MFN2: variants seen among roughly 807,000 people sequenced by gnomAD.
MFN2 encodes mitofusin 2, also known as mitofusin-2.
A neutral mutation model predicts 87.5 loss-of-function variants in MFN2; 43 were observed. The observed-to-expected ratio is 0.49, with a 90% CI of 0.38 to 0.63. MFN2 has a LOEUF of 0.63. Among genes scored for constraint, MFN2 ranks in the 30% least tolerant of loss-of-function variants. MFN2 has a pLI of 0.00. For synonymous variants in MFN2, 337 were observed against 359.9 expected (o/e 0.94, Z 0.72); for missense variants, 743 against 972.8 (o/e 0.76, Z 3.14).
In MFN2 at chr1:12,004,011, C is replaced by T. The variant is rs186448929; in HGVS notation, c.1180C>T (p.Arg394Cys). 22 of 1,614,176 alleles carry T rather than the reference C, an allele frequency of 1.4e-5. 1 individual carries two copies. The highest frequency in any genetic ancestry group is 1.3e-4 in the Admixed American group (8 of 60,022). ...TTTCAGGGTTTACTGCGAGGAAATG[C>T]GTGAAGAGCGGCAAGACCGACTGAA... Reference protein sequence around the residue: ...REQQVYCEEMREERQDRLKFI... With the variant: ...REQQVYCEEMCEERQDRLKFI... The change falls in exon 12 of 19, where the codon CGT becomes TGT. Residue 394 changes from arginine (R) to cysteine (C), a missense_variant. By Grantham distance (180) the Arg-to-Cys change is radical. Transcript: ENST00000235329. This position sits in a 1 kb window ranked among gnomAD's most constrained non-coding sequence, Gnocchi z 4.2.
chr1:11,982,945 AAC>A (rs944049539), intron 2 of MFN2, among the ~76,000 whole-genome samples: 3 of 152,234 alleles, frequency 2.0e-5, no homozygotes, highest in African/African-American at 7.2e-5. Flanking sequence ...TGCTGAATTC[AAC>A]ACAGTTAAAC....
At chr1:11,999,237 T>C in intron 8 of MFN2, 142 bp downstream of exon 8, 1 of 745,614 alleles carries the variant, frequency 1.3e-6, no homozygotes, top group Non-Finnish European at 2.3e-6. Context: ...TACTCTTCTG[T>C]GGTATCTTCT....
intron 3 of MFN2, among the ~76,000 whole-genome samples, chr1:11,990,135 T>A (rs1638613969): frequency 6.6e-6 from 1 of 152,096 alleles, no homozygotes; most frequent in Non-Finnish European, 1.5e-5. Context: ...GCTTCGGGGG[T>A]TGGCCCCTGG....
At chr1:11,985,455 CTTT>C (rs774330626) in intron 2 of MFN2, among the ~76,000 whole-genome samples, 2 of 119,718 alleles carry the variant, frequency 1.7e-5, no homozygotes, top group Non-Finnish European at 1.7e-5. Context: ...TCCTTGATCC[CTTT>C]TTTTTTTTTT....
chr1:11,983,363 G>A (rs935126240), intron 2 of MFN2, among the ~76,000 whole-genome samples: 1 of 152,178 alleles, frequency 6.6e-6, no homozygotes, highest in African/African-American at 2.4e-5. Flanking sequence ...GAGCCACCGC[G>A]CCTGGCCTAG....
At chr1:11,980,630 G>C in intron 1 of MFN2, 146 bp downstream of exon 1, 1 of 395,848 alleles carries the variant, frequency 2.5e-6, no homozygotes, top group East Asian at 3.6e-5. Context: ...CGGCCTCGCC[G>C]CCGGGCCCTC....
At chr1:12,008,355 GGGGCGGCGGCC>G (rs1639517591) in intron 17 of MFN2, among the ~76,000 whole-genome samples, 1 of 151,682 alleles carries the variant, frequency 6.6e-6, no homozygotes, top group South Asian at 2.1e-4. Flanking sequence ...CCTCCCGGAT[GGGGCGGCGGCC>G]GGGCGGAGGC....
At chr1:11,987,026 A>G (rs1638441284) in intron 2 of MFN2, among the ~76,000 whole-genome samples, 1 of 151,670 alleles carries the variant, frequency 6.6e-6, no homozygotes, top group African/African-American at 2.4e-5. Flanking sequence ...CTGTGATAAT[A>G]TGGCTGGGTA....
At position 12,005,733 on chromosome 1, in the gene MFN2, T is replaced by C; in HGVS notation, c.1518T>C (p.Pro506=). ...CAGATGGCTTGAAACCCCTCCTTCCTGTGTCTGTGCGGAGTCAGATAGACA... is the reference window on the plus strand; with the variant it reads ...CAGATGGCTTGAAACCCCTCCTTCCCGTGTCTGTGCGGAGTCAGATAGACA... ...DMIDGLKPLL[P]VSVRSQIDML... The change falls in exon 15 of 19, where the codon CCT becomes CCC. Residue 506 remains proline (P), a synonymous_variant. Coordinates refer to ENST00000235329, the MANE Select transcript of MFN2 (RefSeq NM_014874.4). The C allele has an allele frequency of 6.2e-7, 1 of 1,614,226 alleles. No individual in the cohort carries two copies. The highest frequency in any genetic ancestry group is 8.5e-7 in the Non-Finnish European group (1 of 1,180,030).
intron 15 of MFN2, 95 bp from the exon 16 acceptor site, chr1:12,006,441 CTG>C (rs1487395838): frequency 1.3e-6 from 2 of 1,516,434 alleles, no homozygotes; most frequent in African/African-American, 1.4e-5. Flanking sequence ...AAGAGCCACT[CTG>C]TGTCCCTGTT....
At chr1:12,011,433 C>A in intron 18 of MFN2, 63 bp from the exon 19 acceptor site, 1 of 1,538,620 alleles carries the variant, frequency 6.5e-7, no homozygotes, top group South Asian at 1.1e-5. Context: ...TGGTGCCTGG[C>A]GGGTAGTCCT....
rs1026838023 is a variant in MFN2, at chr1:11,982,022, C to G, written c.-97C>G. On this transcript the variant is annotated 5_prime_UTR_variant, in exon 2 of 19. Coordinates refer to ENST00000235329, the MANE Select transcript of MFN2 (RefSeq NM_014874.4). ...ATCAATAGCCAACCTCAACCTGAGACAGGACAGAAGAGAACTCAGAATCTT... is the reference window on the plus strand; with the variant it reads ...ATCAATAGCCAACCTCAACCTGAGAGAGGACAGAAGAGAACTCAGAATCTT... 5.3e-5 allele frequency: 8 copies of G among 150,534 alleles called. No homozygotes were observed. Among genetic ancestry groups the G allele is most frequent in the Non-Finnish European group, 1.0e-4 (7 of 67,886 alleles). 9.3% of individuals were successfully genotyped at this position (150,534 alleles called of 1,614,324 possible). A position where few individuals can be genotyped will look rare whatever the true frequency, so the allele number is the denominator to read the frequency against.
In MFN2 at chr1:12,007,148, C is replaced by T; in HGVS notation, c.1968C>T (p.Ala656=). ...AGCGTCTGACCTGGACCACCAAGGCCAAGGAGAGGGCCTTCAAGCGCCAGT... is the reference window on the plus strand; with the variant it reads ...AGCGTCTGACCTGGACCACCAAGGCTAAGGAGAGGGCCTTCAAGCGCCAGT... ...VYERLTWTTK[A]KERAFKRQFV... The change falls in exon 17 of 19, where the codon GCC becomes GCT. Residue 656 remains alanine, a synonymous_variant. Transcript: ENST00000235329. The T allele has an allele frequency of 6.2e-7, 1 of 1,614,212 alleles. No individual in the cohort carries two copies. The highest frequency in any genetic ancestry group is 8.5e-7 in the Non-Finnish European group (1 of 1,180,042).
At chr1:12,000,906 C>T (rs1332717513) in intron 8 of MFN2, among the ~76,000 whole-genome samples, 1 of 152,280 alleles carries the variant, frequency 6.6e-6, no homozygotes, top group Non-Finnish European at 1.5e-5. Context: ...ACGCTCACTG[C>T]CAAGTAACCC....
intron 9 of MFN2, 55 bp downstream of exon 9, chr1:12,001,609 C>G: frequency 6.2e-7 from 1 of 1,612,666 alleles, no homozygotes; most frequent in Non-Finnish European, 8.5e-7. Flanking sequence ...CATTTTGTCT[C>G]GTGCTGAGGA....
In MFN2 at chr1:12,005,877, T is replaced by C. The variant is rs2100853358; in HGVS notation, c.1662T>C (p.Asn554=). The C allele has an allele frequency of 1.9e-6, 3 of 1,614,126 alleles. No individual in the cohort carries two copies. Among genetic ancestry groups the C allele is most frequent in the East Asian group, 2.2e-5 (1 of 44,880 alleles). ...CTCTCGGATGGACCATGCTGGTGAA[T>C]AGGTTCCTGGGCCCCAAGAACAGCC... ...HFSLGWTMLV[N]RFLGPKNSRR... is the part of the protein sequence containing the mutation. The change falls in exon 15 of 19, where the codon AAT becomes AAC. Residue 554 remains asparagine (N), a synonymous_variant. Coordinates refer to ENST00000235329, the MANE Select transcript of MFN2 (RefSeq NM_014874.4).
Position 12,005,942 on chromosome 1 carries a change from T to G in MFN2, c.1716+11T>G. On this transcript the variant is annotated intron_variant, in intron 15 of 18. Transcript: ENST00000235329. ...GGCTACAATGACCAGGCAAGCAAAGTTCCTCACCTCAAGGGCATTGTGGGG... is the reference window on the plus strand; with the variant it reads ...GGCTACAATGACCAGGCAAGCAAAGGTCCTCACCTCAAGGGCATTGTGGGG... 1.9e-6 allele frequency: 3 copies of G among 1,612,210 alleles called. No homozygotes were observed. The highest frequency in any genetic ancestry group is 2.5e-6 in the Non-Finnish European group (3 of 1,179,444).
intron 17 of MFN2, among the ~76,000 whole-genome samples, chr1:12,007,907 G>C (rs567874628): frequency 3.0e-4 from 45 of 152,246 alleles, no homozygotes; most frequent in Admixed American, 1.1e-3. Flanking sequence ...GCCTTCCGCA[G>C]TGTTTGTGTC....
Position 11,998,856 on chromosome 1 carries a change from C to CA in MFN2, c.687dup (p.Glu230ArgfsTer17). 1 of 1,614,216 alleles carries CA rather than the reference C, an allele frequency of 6.2e-7. No individual in the cohort carries two copies. The highest frequency in any genetic ancestry group is 8.5e-7 in the Non-Finnish European group (1 of 1,180,038). On this transcript the variant is annotated frameshift_variant, in exon 7 of 19. Coordinates refer to ENST00000235329, the MANE Select transcript of MFN2 (RefSeq NM_014874.4). LOFTEE classifies it high-confidence loss of function. Reference sequence around the variant, plus strand: ...GATGTGTTTGTGCTGGTGGCCAACTCAGAGTCCACCCTGATGCAGACGGTA... The same window carrying CA: ...GATGTGTTTGTGCTGGTGGCCAACTCAAGAGTCCACCCTGATGCAGACGGTA...
Sources: gnomAD v4.1 joint callset for allele counts (sites outside exome capture counted in the v4.1 genomes callset) on GRCh38, gnomAD v4.1.1 for gene constraint, Gnocchi (gnomAD v3.1) non-coding constraint, MANE v1.5 for transcripts, NCBI Gene and HGNC (gene_info 2026-07-23, HGNC 2026-07-21) for gene names.